Variants in CACNA1C observed in about 807,000 individuals in gnomAD.
CACNA1C encodes voltage-dependent L-type calcium channel subunit alpha-1C.
A neutral mutation model predicts 229.0 loss-of-function variants in CACNA1C; 30 were observed. The observed-to-expected ratio is 0.13, with a 90% CI of 0.10 to 0.18. The LOEUF is 0.18. Among genes scored for constraint, CACNA1C ranks in the 10% least tolerant of loss-of-function variants. The pLI, the probability that CACNA1C is intolerant of heterozygous loss-of-function variation, is 1.00. For missense variants in CACNA1C, 1,658 were observed against 2,845.0 expected, an observed-to-expected ratio of 0.58 and a Z score of 9.49; for synonymous variants, 1,114 against 1,132.5, an observed-to-expected ratio of 0.98 and a Z score of 0.33.
chr12:2,156,834 A>G (rs1055722179), intron 3 of CACNA1C, among the ~76,000 whole-genome samples: 3 of 152,196 alleles, frequency 2.0e-5, no homozygotes, highest in Non-Finnish European at 2.9e-5. Flanking sequence ...TTTCTTGGCC[A>G]TGGTGGAGGC....
At chr12:2,177,561 TTCCCTCCCTCCC>T (rs1174918516) in intron 3 of CACNA1C, among the ~76,000 whole-genome samples, 4 of 78,058 alleles carry the variant, frequency 5.1e-5, no homozygotes, top group African/African-American at 1.6e-4. Flanking sequence ...TTCCCTTTCC[TTCCCTCCCTCCC>T]TCCCTCCCTC....
intron 5 of CACNA1C, among the ~76,000 whole-genome samples, chr12:2,459,171 T>TTTTTTTTTTTTTTTTTTG (rs2099477176): frequency 9.5e-5 from 1 of 10,530 alleles, no homozygotes; most frequent in Non-Finnish European, 2.0e-4. Flanking sequence ...TTGTGTGTGT[T>TTTTTTTTTTTTTTTTTTG]TTTTTTTTTT....
chr12:2,647,968 AATT>A lies in CACNA1C; in HGVS notation c.3913-505_3913-503del, dbSNP rs1293824919. 7.2e-5 allele frequency among the ~76,000 whole-genome samples: 11 copies of A among 151,804 alleles called. No individual in the cohort carries two copies. The highest frequency in any genetic ancestry group is 7.2e-4 in the Admixed American group (11 of 15,260). ...TATAGTGAGACCCTGTCTCTAAAAA[AATT>A]AAAATAAAAAATTTAAATTAGCCGG... On this transcript the variant is annotated intron_variant, in intron 30 of 46. Coordinates refer to ENST00000399655, the MANE Select transcript of CACNA1C (RefSeq NM_000719.7). This position sits in a 1 kb window ranked among gnomAD's most constrained non-coding sequence, Gnocchi z 4.2.
At chr12:2,361,736 A>G (rs1043057988) in intron 3 of CACNA1C, among the ~76,000 whole-genome samples, 1 of 152,230 alleles carries the variant, frequency 6.6e-6, no homozygotes, top group Non-Finnish European at 1.5e-5. Flanking sequence ...TGTTTTATTT[A>G]TGCAGCTGCA....
chr12:2,337,575 T>G (rs1374349790), intron 3 of CACNA1C, among the ~76,000 whole-genome samples: 1 of 152,262 alleles, frequency 6.6e-6, no homozygotes, highest in East Asian at 1.9e-4. Flanking sequence ...GTGAAATGTT[T>G]GGAGTGCCGT....
chr12:1,987,434 C>A (rs2038116362), intron 1 of CACNA1C, among the ~76,000 whole-genome samples: 1 of 152,062 alleles, frequency 6.6e-6, no homozygotes, highest in South Asian at 2.1e-4. Context: ...GTTTTTATTT[C>A]CATAAAAATA....
At chr12:1,992,766 A>G in intron 1 of CACNA1C, 1 of 198,412 alleles carries the variant, frequency 5.0e-6, no homozygotes, top group East Asian at 1.2e-4. Context: ...TAATGACTGA[A>G]AGAAACTTTT....
chr12:2,007,084 A>G (rs2043602243), intron 1 of CACNA1C, among the ~76,000 whole-genome samples: 1 of 152,226 alleles, frequency 6.6e-6, no homozygotes, highest in African/African-American at 2.4e-5. Context: ...TTTAATCTGT[A>G]ATATGGGCAA....
chr12:2,469,815 G>A (rs1023951955), intron 5 of CACNA1C, among the ~76,000 whole-genome samples: 6 of 152,150 alleles, frequency 3.9e-5, no homozygotes, highest in African/African-American at 1.4e-4. Flanking sequence ...AATTTTCCCA[G>A]AAATAATGCC....
At chr12:2,138,510 G>A (rs913726218) in intron 3 of CACNA1C, among the ~76,000 whole-genome samples, 2 of 151,192 alleles carry the variant, frequency 1.3e-5, no homozygotes, top group African/African-American at 4.8e-5. Context: ...AGAAGGTGTC[G>A]AAGGCCAGGG....
At chr12:2,591,795 T>C (rs74053871) in intron 18 of CACNA1C, among the ~76,000 whole-genome samples, 6,666 of 151,872 alleles carry the variant, frequency 0.044, 506 homozygotes, top group African/African-American at 0.15. Context: ...TCAAGGGGTC[T>C]GCAGGGCCAA....
intron 29 of CACNA1C, among the ~76,000 whole-genome samples, chr12:2,621,500 T>A (rs923302027): frequency 2.6e-5 from 4 of 152,210 alleles, no homozygotes; most frequent in Non-Finnish European, 5.9e-5. Flanking sequence ...TTCCTCTGAC[T>A]GTCCTTGGAA....
At chr12:2,069,750 G>A (rs767256388) in intron 1 of CACNA1C, among the ~76,000 whole-genome samples, 4 of 152,168 alleles carry the variant, frequency 2.6e-5, no homozygotes, top group Non-Finnish European at 4.4e-5. Context: ...AAAACTTTGT[G>A]TCTGGTCCTT....
At position 2,633,673 on chromosome 12, in the gene CACNA1C, A is replaced by G; in HGVS notation, c.3829-624A>G. The G allele has an allele frequency of 6.2e-7, 1 of 1,611,452 alleles. No individual in the cohort carries two copies. Among genetic ancestry groups the G allele is most frequent in the South Asian group, 1.1e-5 (1 of 90,996 alleles). On this transcript the variant is annotated intron_variant, in intron 29 of 46. Transcript: ENST00000399655. The surrounding 1 kb of genome is among the most constrained non-coding windows in gnomAD (Gnocchi z 5.8). The stretch of plus-strand genomic sequence containing the variant: ...GGAATGTTTTTGACTTCCTCATCGT[A>G]ATTGGCAGCATAATTGACGTCATTC...
intron 1 of CACNA1C, among the ~76,000 whole-genome samples, chr12:2,056,573 G>T (rs1035234925): frequency 6.6e-6 from 1 of 152,180 alleles, no homozygotes; most frequent in Non-Finnish European, 1.5e-5. Context: ...ACTACTTAGC[G>T]ATTCAGCAGA....
rs1256123072 is a variant in CACNA1C at position 2,693,571 on chromosome 12, C to G, written c.*2372C>G. 1 of 152,200 alleles carries G rather than the reference C, an allele frequency of 6.6e-6. No individual in the cohort carries two copies. Among genetic ancestry groups the G allele is most frequent in the Non-Finnish European group, 1.5e-5 (1 of 68,088 alleles). 9.4% of individuals were successfully genotyped at this position (152,200 alleles called of 1,614,324 possible). ...CCATCCCTTCCTCACTCTGGAGCAG[C>G]CTTTCCTTCAGGCTTGCCCTAATGT... On this transcript the variant is annotated 3_prime_UTR_variant, in exon 47 of 47. Transcript: ENST00000399655.
At chr12:2,521,946 C>A (rs896690593) in intron 9 of CACNA1C, among the ~76,000 whole-genome samples, 1 of 152,236 alleles carries the variant, frequency 6.6e-6, no homozygotes, top group African/African-American at 2.4e-5. Flanking sequence ...CATCTCCAAC[C>A]TGTCCCAGCC....
intron 29 of CACNA1C, among the ~76,000 whole-genome samples, chr12:2,615,203 G>C (rs1423482171): frequency 1.3e-5 from 2 of 152,198 alleles, no homozygotes; most frequent in Non-Finnish European, 2.9e-5. Context: ...CCACACGAAG[G>C]TGCAGGACCA....
intron 1 of CACNA1C, among the ~76,000 whole-genome samples, chr12:2,056,796 T>C (rs2055122803): frequency 6.6e-6 from 1 of 152,188 alleles, no homozygotes; most frequent in Non-Finnish European, 1.5e-5. Context: ...TCAGGCACTT[T>C]TTAGTGTTTT....
Sources: allele counts gnomAD v4.1 joint callset (sites outside exome capture counted in the v4.1 genomes callset), GRCh38; gene constraint gnomAD v4.1.1; non-coding constraint Gnocchi (gnomAD v3.1); transcripts MANE v1.5; gene names NCBI Gene and HGNC (gene_info 2026-07-23, HGNC 2026-07-21).